NDUFAF2: variants seen among roughly 807,000 people sequenced by gnomAD.
The protein encoded by NDUFAF2 is NADH:ubiquinone oxidoreductase complex assembly factor 2, also known as NADH dehydrogenase [ubiquinone] 1 alpha subcomplex assembly factor 2.
A neutral mutation model predicts 22.8 loss-of-function variants in NDUFAF2; 13 were observed. That is an observed-to-expected ratio of 0.57 (90% CI 0.37 to 0.91). The LOEUF is 0.91. Among genes scored for constraint, NDUFAF2 ranks in the 40% least tolerant of loss-of-function variants. NDUFAF2 has a pLI of 0.01. For missense variants in NDUFAF2, 162 were observed against 195.2 expected, an observed-to-expected ratio of 0.83 and a Z score of 1.01; for synonymous variants, 53 against 64.2, an observed-to-expected ratio of 0.83 and a Z score of 0.84.
chr5:60,955,915 C>CT lies in NDUFAF2; in HGVS notation c.127+10536dup, dbSNP rs1217282382. 1.3e-4 allele frequency among the ~76,000 whole-genome samples: 18 copies of CT among 133,612 alleles called. 2 individuals are homozygous for CT. The South Asian group carries it at 4.2e-3, about 31-fold the overall frequency. The allele number at this position is 133,612 out of a possible 152,430, so 87.7% of individuals were successfully genotyped here. A position where few individuals can be genotyped will look rare whatever the true frequency, so the allele number is the denominator to read the frequency against. ...CATGCAATAGATTTTTGTATGTTGA[C>CT]TTTGTTTTTTTTTTTTTGAGATAGA... is the stretch of plus-strand genomic sequence containing the variant. On this transcript the variant is annotated intron_variant, in intron 1 of 3. Transcript: ENST00000296597.
At chr5:61,037,190 A>G (rs1234112268) in intron 1 of NDUFAF2, among the ~76,000 whole-genome samples, 3 of 152,208 alleles carry the variant, frequency 2.0e-5, no homozygotes, top group Non-Finnish European at 2.9e-5. Flanking sequence ...TGAGTGCCAC[A>G]TGGACTATAA....
chr5:61,089,099 C>T (rs976933610), intron 2 of NDUFAF2, among the ~76,000 whole-genome samples: 1 of 152,062 alleles, frequency 6.6e-6, no homozygotes, highest in Non-Finnish European at 1.5e-5. Context: ...TTCTTCTAGT[C>T]TCTTTAAGTG....
chr5:61,072,840 G>A (rs1215123118), intron 1 of NDUFAF2, among the ~76,000 whole-genome samples: 1 of 152,090 alleles, frequency 6.6e-6, no homozygotes, highest in Non-Finnish European at 1.5e-5. Flanking sequence ...GAGCTCAGGC[G>A]ATCCACCCAC....
At chr5:61,068,422 T>C (rs1297553821) in intron 1 of NDUFAF2, among the ~76,000 whole-genome samples, 2 of 152,122 alleles carry the variant, frequency 1.3e-5, no homozygotes, top group Non-Finnish European at 2.9e-5. Context: ...TTTTAAGTTA[T>C]GCAACAATGA....
intron 1 of NDUFAF2, among the ~76,000 whole-genome samples, chr5:60,970,242 TTTTCTGA>T (rs1004332027): frequency 2.0e-5 from 3 of 152,176 alleles, no homozygotes; most frequent in Non-Finnish European, 4.4e-5. Context: ...TTAGGATTGT[TTTTCTGA>T]TTTCTGTGAA....
chr5:60,984,398 C>T (rs1751037981), intron 1 of NDUFAF2, among the ~76,000 whole-genome samples: 1 of 152,010 alleles, frequency 6.6e-6, no homozygotes, highest in Non-Finnish European at 1.5e-5. Context: ...TTTCCTTCTC[C>T]TGCCTGATTG....
intron 2 of NDUFAF2, among the ~76,000 whole-genome samples, chr5:61,096,113 T>C (rs1752636227): frequency 6.6e-6 from 1 of 150,730 alleles, no homozygotes; most frequent in Admixed American, 6.7e-5. Context: ...GATTTTCTAA[T>C]AAAGATCAAA....
chr5:61,138,462 T>C (rs1740996470), intron 3 of NDUFAF2, among the ~76,000 whole-genome samples: 1 of 152,218 alleles, frequency 6.6e-6, no homozygotes, highest in Non-Finnish European at 1.5e-5. Flanking sequence ...AAAGTGCTTC[T>C]TCCCACCATG....
At chr5:61,142,504 A>G (rs1741074002) in intron 3 of NDUFAF2, among the ~76,000 whole-genome samples, 1 of 152,238 alleles carries the variant, frequency 6.6e-6, no homozygotes, top group Admixed American at 6.5e-5. Flanking sequence ...ATGCATGAGG[A>G]AGGTTCAAGA....
At chr5:61,123,860 T>C (rs1176317846) in intron 3 of NDUFAF2, among the ~76,000 whole-genome samples, 1 of 152,130 alleles carries the variant, frequency 6.6e-6, no homozygotes, top group East Asian at 1.9e-4. Context: ...TGAGAATGAA[T>C]TTTAAAAAGA....
At chr5:61,120,093 G>T in intron 3 of NDUFAF2, among the ~76,000 whole-genome samples, 1 of 151,982 alleles carries the variant, frequency 6.6e-6, no homozygotes. Context: ...CTTAACTACC[G>T]TAATAAATAA....
intron 2 of NDUFAF2, among the ~76,000 whole-genome samples, chr5:61,096,422 A>T (rs1752639699): frequency 6.6e-6 from 1 of 151,856 alleles, no homozygotes; most frequent in Admixed American, 6.6e-5. Context: ...AACACGGTGA[A>T]ACCCCGTCTC....
At chr5:61,010,382 A>G (rs1483720192) in intron 1 of NDUFAF2, among the ~76,000 whole-genome samples, 3 of 152,124 alleles carry the variant, frequency 2.0e-5, no homozygotes, top group African/African-American at 7.2e-5. Context: ...TCAGCCCGCT[A>G]CAGCTTCTTC....
intron 1 of NDUFAF2, among the ~76,000 whole-genome samples, chr5:60,994,089 C>G (rs1050958154): frequency 6.6e-6 from 1 of 152,214 alleles, no homozygotes; most frequent in African/African-American, 2.4e-5. Context: ...GCCCAAAATC[C>G]AGAGGGGGCT....
chr5:61,118,504 T>C (rs1237375319), intron 3 of NDUFAF2, among the ~76,000 whole-genome samples: 1 of 152,210 alleles, frequency 6.6e-6, no homozygotes, highest in Non-Finnish European at 1.5e-5. Flanking sequence ...TAAGTCAGAC[T>C]TTTTCTGACA....
rs1037535719 is a variant in NDUFAF2 at position 61,106,495 on chromosome 5, G to T, written c.258+7463G>T. ...TACAATGCGTAATAATCACATCAAG[G>T]TAAATGGGGTATTTATCACCTCAAG... On this transcript the variant is annotated intron_variant, in intron 3 of 3. Transcript: ENST00000296597. Among the ~76,000 whole-genome samples the T allele has an allele frequency of 2.0e-5, 3 of 151,268 alleles. 1 individual carries two copies. Among genetic ancestry groups the T allele is most frequent in the African/African-American group, 7.4e-5 (3 of 40,676 alleles).
chr5:61,006,950 A>C (rs1028100442), intron 1 of NDUFAF2, among the ~76,000 whole-genome samples: 3 of 152,154 alleles, frequency 2.0e-5, no homozygotes, highest in Non-Finnish European at 1.5e-5. Flanking sequence ...GTCAATATTT[A>C]TCTCTTAAAG....
chr5:61,107,088 C>CACACACACACACACACACAT (rs1173994408), intron 3 of NDUFAF2, among the ~76,000 whole-genome samples: 1 of 146,574 alleles, frequency 6.8e-6, no homozygotes, highest in Admixed American at 6.7e-5. Context: ...CACACACACA[C>CACACACACACACACACACAT]ACATATATGC....
chr5:61,122,116 C>T (rs1043907410), intron 3 of NDUFAF2, among the ~76,000 whole-genome samples: 1 of 152,148 alleles, frequency 6.6e-6, no homozygotes, highest in Non-Finnish European at 1.5e-5. Context: ...CAGGCATGAG[C>T]CACTGCGCCC....
Sources: allele counts gnomAD v4.1 joint callset (sites outside exome capture counted in the v4.1 genomes callset), GRCh38; gene constraint gnomAD v4.1.1; transcripts MANE v1.5; gene names NCBI Gene and HGNC (gene_info 2026-07-23, HGNC 2026-07-21).